The following MGAM2 variants were observed in gnomAD, a reference collection of about 807,000 sequenced individuals.
The protein encoded by MGAM2 is probable maltase-glucoamylase 2.
In MGAM2, 98 loss-of-function variants were observed where a neutral mutation model predicts 96.1. That is an observed-to-expected ratio of 1.02 (90% CI 0.87 to 1.21). The LOEUF (loss-of-function observed/expected upper bound fraction) is 1.21, where lower values mean the gene tolerates loss of function less well. MGAM2 is among the 50% of genes most tolerant of loss of function. The pLI is 0.00. For synonymous variants in MGAM2, 749 were observed against 414.8 expected, an observed-to-expected ratio of 1.81 and a Z score of -9.79; for missense variants, 2,055 against 1,182.4, an observed-to-expected ratio of 1.74 and a Z score of -10.82.
chr7:142,199,144 A>G (rs1463657246), intron 44 of MGAM2, among the ~76,000 whole-genome samples: 3 of 152,206 alleles, frequency 2.0e-5, no homozygotes, highest in African/African-American at 7.2e-5. Flanking sequence ...GCTTTGGTCA[A>G]TCAAGGAAAG....
chr7:142,133,360 T>C (rs1794965012), intron 6 of MGAM2, among the ~76,000 whole-genome samples: 2 of 149,732 alleles, frequency 1.3e-5, no homozygotes, highest in African/African-American at 4.9e-5. Context: ...GTGGTTTACA[T>C]ATATTGTAAA....
chr7:142,221,512 C>T lies in MGAM2; in HGVS notation c.7001C>T (p.Thr2334Ile), dbSNP rs1169800706. Reference sequence around the variant, plus strand: ...ACTGATAAAATTACTAATTTTACTACCCCTACAAATGCAAACACCATTATT... The same window carrying T: ...ACTGATAAAATTACTAATTTTACTATCCCTACAAATGCAAACACCATTATT... ...FTTDKITNFT[T>I]PTNANTIIFN... The change falls in exon 48 of 48, where the codon ACC becomes ATC. Residue 2334 changes from threonine (T) to isoleucine (I), a missense_variant. Physicochemically the swap from Thr to Ile is moderately conservative, Grantham distance 89. Transcript: ENST00000477922. 3.7e-6 allele frequency: 2 copies of T among 544,544 alleles called. No individual in the cohort carries two copies. Among genetic ancestry groups the T allele is most frequent in the Non-Finnish European group, 6.4e-6 (2 of 310,604 alleles). 33.7% of individuals were successfully genotyped at this position (544,544 alleles called of 1,614,324 possible). A position where few individuals can be genotyped will look rare whatever the true frequency, so the allele number is the denominator to read the frequency against.
At position 142,221,107 on chromosome 7, in the gene MGAM2, C is replaced by T. The variant is rs1015320411; in HGVS notation, c.6596C>T (p.Ser2199Phe). The change falls in exon 48 of 48, where the codon TCC becomes TTC. Residue 2199 changes from serine to phenylalanine, a missense_variant. Coordinates refer to ENST00000477922, the MANE Select transcript of MGAM2 (RefSeq NM_001293626.2). ...TGVDTTSNSF[S>F]IMTTSFSEST... is the part of the protein sequence containing the mutation. ...GTTGACACTACTAGCAACAGTTTTT[C>T]CATTATGACCACTTCTTTCTCTGAA... is the stretch of plus-strand genomic sequence containing the variant. 1 of 702,474 alleles carries T rather than the reference C, an allele frequency of 1.4e-6. No individual in the cohort carries two copies. The highest frequency in any genetic ancestry group is 2.7e-5 in the East Asian group (1 of 37,244). The allele number at this position is 702,474 out of a possible 1,614,324, so 43.5% of individuals were successfully genotyped here.
At chr7:142,184,921 T>G (rs1796648323) in intron 33 of MGAM2, among the ~76,000 whole-genome samples, 156 bp from the exon 34 acceptor site, 1 of 152,240 alleles carries the variant, frequency 6.6e-6, no homozygotes, top group African/African-American at 2.4e-5. Flanking sequence ...TTTCACCTAA[T>G]GTAATTTTGT....
intron 2 of MGAM2, among the ~76,000 whole-genome samples, chr7:142,118,569 G>A (rs566269832): frequency 3.0e-4 from 46 of 152,250 alleles, no homozygotes; most frequent in Admixed American, 9.8e-4. Flanking sequence ...TACTTCTGCT[G>A]TTGTCATGGG....
Position 142,220,855 on chromosome 7 carries a change from G to A in MGAM2, c.6344G>A (p.Ser2115Asn). ...ACAAGTACTGCTGATGCCACCATTA[G>A]TACTACTGTACTTATTGCCACTACT... ...SLTSTADATI[S>N]TTVLIATTSS... The change falls in exon 48 of 48, where the codon AGT (serine) becomes AAT (asparagine). Residue 2115 changes from serine to asparagine, a missense_variant. Transcript: ENST00000477922. The A allele has an allele frequency of 1.4e-6, 1 of 702,024 alleles. No individual in the cohort carries two copies. Among genetic ancestry groups the A allele is most frequent in the African/African-American group, 1.7e-5 (1 of 57,184 alleles). The allele number at this position is 702,024 out of a possible 1,614,324, so 43.5% of individuals were successfully genotyped here.
chr7:142,174,715 C>CTCTTTTTTTTTTTTTTTTTTTTTTTTTTT (rs1194981898), intron 31 of MGAM2, among the ~76,000 whole-genome samples: 1 of 85,460 alleles, frequency 1.2e-5, no homozygotes, highest in Admixed American at 1.4e-4. Context: ...CTCTCTCTCT[C>CTCTTTTTTTTTTTTTTTTTTTTTTTTTTT]TTTTTTTTTT....
In MGAM2 at chr7:142,116,882, G is replaced by A. The variant is rs1421288170; in HGVS notation, c.9G>A (p.Arg3=). The change falls in exon 2 of 48, where the codon AGG becomes AGA. Residue 3 remains arginine (R), a synonymous_variant. Transcript: ENST00000477922. ...TATCTGTGTCTATCTAGATGGCGAG[G>A]AAGCTCAGTGTATTGGAAGTCCTTC... MA[R]KLSVLEVLLI... The A allele has an allele frequency of 1.4e-6, 1 of 703,580 alleles. No homozygotes were observed. Among genetic ancestry groups the A allele is most frequent in the Non-Finnish European group, 2.6e-6 (1 of 385,112 alleles). 43.6% of individuals were successfully genotyped at this position (703,580 alleles called of 1,614,324 possible). A position where few individuals can be genotyped will look rare whatever the true frequency, so the allele number is the denominator to read the frequency against.
chr7:142,163,559 C>T (rs1040735466), intron 23 of MGAM2, among the ~76,000 whole-genome samples: 4 of 152,302 alleles, frequency 2.6e-5, no homozygotes, highest in Non-Finnish European at 2.9e-5. Flanking sequence ...GGGTTACAGG[C>T]GTGAGCCACC....
intron 46 of MGAM2, among the ~76,000 whole-genome samples, chr7:142,210,201 G>C (rs986066278): frequency 6.6e-6 from 1 of 152,182 alleles, no homozygotes; most frequent in African/African-American, 2.4e-5. Flanking sequence ...GCAACCCACA[G>C]AGCAGGAGAT....
intron 32 of MGAM2, among the ~76,000 whole-genome samples, 177 bp downstream of exon 32, chr7:142,175,957 C>A (rs932622817): frequency 5.9e-5 from 9 of 151,494 alleles, no homozygotes; most frequent in African/African-American, 2.2e-4. Context: ...AATTTAAAAG[C>A]AAATGAAAGA....
chr7:142,189,636 T>G, intron 37 of MGAM2, 131 bp downstream of exon 37: 1 of 482,848 alleles, frequency 2.1e-6, no homozygotes, highest in Non-Finnish European at 3.7e-6. Flanking sequence ...CAGGCACGGT[T>G]GCCCAAGCAA....
At chr7:142,190,921 G>T (rs1796849190) in intron 37 of MGAM2, among the ~76,000 whole-genome samples, 1 of 151,972 alleles carries the variant, frequency 6.6e-6, no homozygotes, top group African/African-American at 2.4e-5. Flanking sequence ...GATTGCTTGA[G>T]TCCAGGAGTC....
rs1797879898 is a variant in MGAM2, at chr7:142,220,225, C to G, written c.5714C>G (p.Pro1905Arg). The change falls in exon 48 of 48, where the codon CCA (proline) becomes CGA (arginine). Residue 1905 changes from proline (P) to arginine (R), a missense_variant. Coordinates refer to ENST00000477922, the MANE Select transcript of MGAM2 (RefSeq NM_001293626.2). ...ATVPITTTPF[P>R]TSTIGVTTNA... ...GTTCCTATCACAACCACACCTTTCC[C>G]AACAAGTACTATTGGTGTTACAACT... 5 of 702,674 alleles carry G rather than the reference C, an allele frequency of 7.1e-6. No homozygotes were observed. In the South Asian group the frequency reaches 7.4e-5, roughly 10 times the overall value. The allele number at this position is 702,674 out of a possible 1,614,324, so 43.5% of individuals were successfully genotyped here.
Position 142,154,796 on chromosome 7 carries a change from T to C in MGAM2, c.1874T>C (p.Leu625Pro). The C allele has an allele frequency of 1.4e-6, 1 of 703,566 alleles. No individual in the cohort carries two copies. Among genetic ancestry groups the C allele is most frequent in the Non-Finnish European group, 2.6e-6 (1 of 385,112 alleles). 43.6% of individuals were successfully genotyped at this position (703,566 alleles called of 1,614,324 possible). The change falls in exon 17 of 48, where the codon CTT (leucine) becomes CCT (proline). Residue 625 changes from leucine (L) to proline (P), a missense_variant. By Grantham distance (98) the Leu-to-Pro change is moderately conservative (BLOSUM62 -3). Transcript: ENST00000477922. Reference protein sequence around the residue: ...TEELCRRWMQLGAFYPLPRNH... With the variant: ...TEELCRRWMQPGAFYPLPRNH... ...GAGCTCTGCAGAAGGTGGATGCAGC[T>C]TGGAGCATTTTATCCACTACCAAGG... is the stretch of plus-strand genomic sequence containing the variant.
At position 142,147,513 on chromosome 7, in the gene MGAM2, G is replaced by A. The variant is rs1482240886; in HGVS notation, c.1574G>A (p.Gly525Glu). The A allele has an allele frequency of 1.4e-6, 1 of 702,758 alleles. No individual in the cohort carries two copies. Among genetic ancestry groups the A allele is most frequent in the Non-Finnish European group, 2.6e-6 (1 of 384,958 alleles). The allele number at this position is 702,758 out of a possible 1,614,324, so 43.5% of individuals were successfully genotyped here. ...CTCTGCATGGACACGGAGTTTCATGGGGGCCTTCATTATGACATCCACAGC... is the reference window on the plus strand; with the variant it reads ...CTCTGCATGGACACGGAGTTTCATGAGGGCCTTCATTATGACATCCACAGC... ...RTLCMDTEFHGGLHYDIHSLY... is the reference protein window; with the variant it reads ...RTLCMDTEFHEGLHYDIHSLY... The change falls in exon 15 of 48, where the codon GGG (glycine) becomes GAG (glutamate). Residue 525 changes from glycine to glutamate, a missense_variant. Coordinates refer to ENST00000477922, the MANE Select transcript of MGAM2 (RefSeq NM_001293626.2).
At chr7:142,172,800 A>C in intron 30 of MGAM2, 36 bp downstream of exon 30, 1 of 676,410 alleles carries the variant, frequency 1.5e-6, no homozygotes, top group Non-Finnish European at 2.7e-6. Context: ...ATATTGTCAA[A>C]TATTTATTGG....
chr7:142,207,080 G>A (rs1797424017), intron 45 of MGAM2, among the ~76,000 whole-genome samples: 1 of 152,228 alleles, frequency 6.6e-6, no homozygotes, highest in Admixed American at 6.5e-5. Flanking sequence ...GAGAGAATAT[G>A]TTGGAATACT....
At chr7:142,151,094 T>A (rs1585166104) in intron 15 of MGAM2, among the ~76,000 whole-genome samples, 1 of 152,206 alleles carries the variant, frequency 6.6e-6, no homozygotes, top group Non-Finnish European at 1.5e-5. Context: ...TATCAAATTT[T>A]AGATGCTAAT....
Sources: gnomAD v4.1 joint callset for allele counts (sites outside exome capture counted in the v4.1 genomes callset) on GRCh38, gnomAD v4.1.1 for gene constraint, MANE v1.5 for transcripts, NCBI Gene and HGNC (gene_info 2026-07-23, HGNC 2026-07-21) for gene names.